Variants in PHGR1 observed in about 807,000 individuals in gnomAD.
PHGR1 encodes the protein proline, histidine and glycine rich 1.
A neutral mutation model predicts 4.9 loss-of-function variants in PHGR1; 3 were observed. That is an observed-to-expected ratio of 0.61 (90% CI 0.28 to 1.58). The LOEUF (loss-of-function observed/expected upper bound fraction) is 1.58. PHGR1 is among the 40% of genes most tolerant of loss of function. The pLI, the probability that PHGR1 is intolerant of heterozygous loss-of-function variation, is 0.11. For synonymous variants in PHGR1, 32 were observed against 46.1 expected (o/e 0.69, Z 1.24); for missense variants, 81 against 118.7 (o/e 0.68, Z 1.48).
At chr15:40,351,532 C>A (rs1237393666) in intron 1 of PHGR1, among the ~76,000 whole-genome samples, 1 of 152,154 alleles carries the variant, frequency 6.6e-6, no homozygotes, top group Admixed American at 6.5e-5. Context: ...AGGGAAAGGA[C>A]GAGGGAGCAC....
chr15:40,353,486 T>C (rs1889241357), intron 2 of PHGR1: 5 of 589,410 alleles, frequency 8.5e-6, no homozygotes, highest in South Asian at 8.2e-5. Context: ...ATCATGTTCT[T>C]AGGTGCTTCT....
At chr15:40,353,165 G>A (rs867895268) in intron 1 of PHGR1, 67 bp from the exon 2 acceptor site, 55 of 1,439,316 alleles carry the variant, frequency 3.8e-5, no homozygotes, top group South Asian at 2.9e-4. Flanking sequence ...GCGCGCATCC[G>A]TGGGAGGGAG....
chr15:40,353,437 ACTGT>A lies in PHGR1; in HGVS notation c.10+171_10+174del, dbSNP rs1316668970. The A allele has an allele frequency of 3.6e-5, 28 of 771,850 alleles. No individual in the cohort carries two copies. In the African/African-American group the frequency reaches 3.9e-4, roughly 11 times the overall value. The allele number at this position is 771,850 out of a possible 1,614,324, so 47.8% of individuals were successfully genotyped here. ...CCACAATGAAGACAAGCCCTTACAT[ACTGT>A]AGAACATGTTACAGTTTAAAAAGCA... On this transcript the variant is annotated intron_variant, in intron 2 of 3. Transcript: ENST00000448599.
Position 40,351,079 on chromosome 15 carries a change from A to AC in PHGR1, c.-27+18dup, listed in dbSNP as rs1353823996. 2 of 152,124 alleles carry AC rather than the reference A, an allele frequency of 1.3e-5. No homozygotes were observed. The highest frequency in any genetic ancestry group is 1.3e-4 in the Admixed American group (2 of 15,252). 9.4% of individuals were successfully genotyped at this position (152,124 alleles called of 1,614,324 possible). A position where few individuals can be genotyped will look rare whatever the true frequency, so the allele number is the denominator to read the frequency against. ...CACTCTCAGGTAGGGACCTGGCTCT[A>AC]CTTGCTGTTGGCTGGGGACAGTAGG... On this transcript the variant is annotated intron_variant, in intron 1 of 3. Coordinates refer to ENST00000448599, the MANE Select transcript of PHGR1 (RefSeq NM_001145643.2).
intron 2 of PHGR1, 137 bp downstream of exon 2, chr15:40,353,404 G>GT (rs1889239762): frequency 9.1e-7 from 1 of 1,098,834 alleles, no homozygotes; most frequent in South Asian, 1.4e-5. Flanking sequence ...GAAGGCAGTG[G>GT]TAGGGGTCCA....
intron 1 of PHGR1, 123 bp from the exon 2 acceptor site, chr15:40,353,108 AG>A: frequency 1.2e-6 from 1 of 850,350 alleles, no homozygotes; most frequent in East Asian, 3.1e-5. Context: ...CTTCCTTTGA[AG>A]GGTGTGTGTG....
At chr15:40,352,692 C>T (rs1000839015) in intron 1 of PHGR1, among the ~76,000 whole-genome samples, 5 of 152,196 alleles carry the variant, frequency 3.3e-5, no homozygotes, top group African/African-American at 1.2e-4. Flanking sequence ...GGGCCACCAA[C>T]CCCATTCCTG....
intron 1 of PHGR1, among the ~76,000 whole-genome samples, chr15:40,351,927 G>A (rs568462596): frequency 6.6e-6 from 1 of 152,224 alleles, no homozygotes; most frequent in African/African-American, 2.4e-5. Flanking sequence ...AGTAGAGACG[G>A]GGTTTCACCA....
At chr15:40,355,469 T>C (rs773119254) in intron 3 of PHGR1, among the ~76,000 whole-genome samples, 36 of 152,042 alleles carry the variant, frequency 2.4e-4, no homozygotes, top group Non-Finnish European at 3.7e-4. Context: ...TATATAAATA[T>C]GGCACACACC....
At chr15:40,355,935 G>A in intron 3 of PHGR1, 138 bp from the exon 4 acceptor site, 2 of 877,016 alleles carry the variant, frequency 2.3e-6, no homozygotes, top group South Asian at 1.4e-5. Flanking sequence ...TGCTACCCAT[G>A]CCCCCAGCCC....
intron 3 of PHGR1, 80 bp from the exon 4 acceptor site, chr15:40,355,993 A>C: frequency 1.4e-6 from 2 of 1,392,480 alleles, no homozygotes; most frequent in Non-Finnish European, 9.9e-7. Flanking sequence ...CCCCCAGGGA[A>C]GTGGAGTGAG....
At chr15:40,354,479 C>G in intron 3 of PHGR1, 127 bp downstream of exon 3, 1 of 1,221,766 alleles carries the variant, frequency 8.2e-7, no homozygotes, top group Admixed American at 2.4e-5. Context: ...AGGGAGCAGG[C>G]TCAGGCAGCA....
intron 1 of PHGR1, 106 bp from the exon 2 acceptor site, chr15:40,353,126 T>C (rs1006810247): frequency 8.4e-6 from 7 of 835,580 alleles, no homozygotes; most frequent in African/African-American, 1.9e-5. Context: ...TGTGTGTGTG[T>C]GTGTGTGTGT....
intron 1 of PHGR1, among the ~76,000 whole-genome samples, chr15:40,351,476 C>T (rs143137169): frequency 8.5e-5 from 13 of 152,274 alleles, no homozygotes; most frequent in African/African-American, 2.4e-4. Flanking sequence ...CTCTCCTCCC[C>T]GCAAAGCCCA....
rs758069077 is a variant in PHGR1 at position 40,356,098 on chromosome 15, G to T, written c.44G>T (p.Gly15Val). The T allele has an allele frequency of 9.0e-6, 14 of 1,549,920 alleles. 1 individual carries two copies. In the South Asian group the frequency reaches 1.5e-4, roughly 17 times the overall value. Residue 15 changes from glycine (G) to valine (V), a missense_variant, in exon 4 of 4, where the codon GGC becomes GTC. Coordinates refer to ENST00000448599, the MANE Select transcript of PHGR1 (RefSeq NM_001145643.2). ...PKGHCHCGGHGHPPGHCGPPP... is the reference protein window; with the variant it reads ...PKGHCHCGGHVHPPGHCGPPP... ...GGGCACTGCCACTGTGGGGGGCATG[G>T]CCATCCTCCAGGTCACTGCGGGCCA... is the stretch of plus-strand genomic sequence containing the variant.
At chr15:40,354,450 C>A in intron 3 of PHGR1, 98 bp downstream of exon 3, 2 of 1,379,782 alleles carry the variant, frequency 1.4e-6, no homozygotes, top group Non-Finnish European at 2.0e-6. Flanking sequence ...GCAGCCACCA[C>A]TTCCCCCAAA....
At chr15:40,353,397 G>A in intron 2 of PHGR1, 130 bp downstream of exon 2, 1 of 1,154,812 alleles carries the variant, frequency 8.7e-7, no homozygotes, top group Non-Finnish European at 1.3e-6. Context: ...TTTGTATGAA[G>A]GCAGTGGTAG....
intron 2 of PHGR1, 84 bp from the exon 3 acceptor site, chr15:40,354,261 A>T: frequency 6.9e-7 from 1 of 1,454,436 alleles, no homozygotes; most frequent in Non-Finnish European, 9.3e-7. Context: ...CAAAATCCTT[A>T]GTGCCAGGGA....
At chr15:40,353,733 G>A (rs1367912983) in intron 2 of PHGR1, 1 of 185,156 alleles carries the variant, frequency 5.4e-6, no homozygotes, top group Non-Finnish European at 1.1e-5. Flanking sequence ...GGGTGCTGCA[G>A]GAGCCCAGTG....
Sources: gnomAD v4.1 joint callset for allele counts (sites outside exome capture counted in the v4.1 genomes callset) on GRCh38, gnomAD v4.1.1 for gene constraint, MANE v1.5 for transcripts, NCBI Gene and HGNC (gene_info 2026-07-23, HGNC 2026-07-21) for gene names.